The following RAPGEF2 variants were observed in gnomAD, a reference collection of about 807,000 sequenced individuals.
RAPGEF2 encodes the protein Rap guanine nucleotide exchange factor 2.
A neutral mutation model predicts 186.7 loss-of-function variants in RAPGEF2; 54 were observed. The ratio of observed to expected loss-of-function variants is 0.29; its 90% confidence interval spans 0.23 to 0.36. RAPGEF2 has a LOEUF of 0.36. Ranked by LOEUF, RAPGEF2 falls within the 10% of genes least tolerant of loss-of-function variation. The pLI is 1.00. For missense variants in RAPGEF2, 1,532 were observed against 2,045.0 expected (o/e 0.75, Z 4.84); for synonymous variants, 712 against 705.9 (o/e 1.01, Z -0.14).
At chr4:159,284,374 A>G (rs1172685582) in intron 7 of RAPGEF2, among the ~76,000 whole-genome samples, 1 of 152,138 alleles carries the variant, frequency 6.6e-6, no homozygotes, top group Non-Finnish European at 1.5e-5. Context: ...GGAATCCTTC[A>G]GGAATTGTGA....
Position 159,186,681 on chromosome 4 carries a change from G to T in RAPGEF2, c.109G>T (p.Ala37Ser). The change falls in exon 2 of 30, where the codon GCC (alanine) becomes TCC (serine). Residue 37 changes from alanine (A) to serine (S), a missense_variant. Physicochemically the swap from Ala to Ser is moderately conservative, Grantham distance 99 (BLOSUM62 1). This residue lies in a region of RAPGEF2 where 810 missense variants were observed against 1,210.5 expected (regional missense o/e 0.67). Transcript: ENST00000691494. ...IVYSYLHGME[A>S]LSNLREHQLR... Reference sequence around the variant, plus strand: ...ATATTCCTATTTACATGGTATGGAAGCCTTATCAAACTTGAGGGAGCATCA... The same window carrying T: ...ATATTCCTATTTACATGGTATGGAATCCTTATCAAACTTGAGGGAGCATCA... The T allele has an allele frequency of 6.8e-7, 1 of 1,475,772 alleles. No individual in the cohort carries two copies. The highest frequency in any genetic ancestry group is 9.1e-7 in the Non-Finnish European group (1 of 1,100,558). 91.4% of individuals were successfully genotyped at this position (1,475,772 alleles called of 1,614,324 possible).
chr4:159,302,166 G>A (rs780902677), intron 7 of RAPGEF2, among the ~76,000 whole-genome samples: 3 of 152,176 alleles, frequency 2.0e-5, no homozygotes, highest in Non-Finnish European at 2.9e-5. Context: ...CTAAAAGCTG[G>A]ATGAATGTCT....
At chr4:159,190,628 G>A (rs764345366) in intron 2 of RAPGEF2, among the ~76,000 whole-genome samples, 7 of 152,188 alleles carry the variant, frequency 4.6e-5, no homozygotes, top group Non-Finnish European at 8.8e-5. Context: ...CATGGCTGGG[G>A]AGGCCTCAGA....
intron 17 of RAPGEF2, chr4:159,332,935 T>G (rs868613525): frequency 6.5e-6 from 2 of 308,090 alleles, no homozygotes; most frequent in Middle Eastern, 9.1e-4. Flanking sequence ...AACTATTTTT[T>G]GGGGGTTTGG....
chr4:159,298,565 T>C (rs1762291588), intron 7 of RAPGEF2, among the ~76,000 whole-genome samples: 2 of 152,288 alleles, frequency 1.3e-5, no homozygotes, highest in African/African-American at 4.8e-5. Context: ...GAACTAGTAG[T>C]ACCTGAAATG....
chr4:159,141,343 A>C (rs1742307251), intron 1 of RAPGEF2, among the ~76,000 whole-genome samples: 1 of 152,136 alleles, frequency 6.6e-6, no homozygotes, highest in Non-Finnish European at 1.5e-5. Context: ...TATTTCCACG[A>C]GATGATTCAA....
At chr4:159,295,750 T>C (rs1292858443) in intron 7 of RAPGEF2, among the ~76,000 whole-genome samples, 10,146 of 103,474 alleles carry the variant, frequency 0.098, 457 homozygotes, top group Non-Finnish European at 0.14. Context: ...TGTGTGTGTG[T>C]GTGTGCGCGC....
intron 1 of RAPGEF2, among the ~76,000 whole-genome samples, chr4:159,136,979 T>C (rs1741787012): frequency 6.6e-6 from 1 of 152,246 alleles, no homozygotes; most frequent in African/African-American, 2.4e-5. Context: ...CATTGGTTGC[T>C]AGTGCTAAAA....
At chr4:159,150,252 T>C (rs1218690182) in intron 1 of RAPGEF2, among the ~76,000 whole-genome samples, 1 of 152,158 alleles carries the variant, frequency 6.6e-6, no homozygotes, top group Non-Finnish European at 1.5e-5. Context: ...TTCTAGGAAA[T>C]ACGGGGTTAA....
chr4:159,350,097 T>C, intron 25 of RAPGEF2, 40 bp from the exon 26 acceptor site: 1 of 1,378,138 alleles, frequency 7.3e-7, no homozygotes, highest in East Asian at 2.4e-5. Flanking sequence ...ATTTTCAGAC[T>C]TGAAAATACA....
intron 7 of RAPGEF2, among the ~76,000 whole-genome samples, chr4:159,279,017 T>TC (rs1197862410): frequency 1.3e-5 from 2 of 152,182 alleles, no homozygotes; most frequent in African/African-American, 4.8e-5. Flanking sequence ...GCCTTTTCCA[T>TC]CCCCTACGGT....
intron 3 of RAPGEF2, among the ~76,000 whole-genome samples, chr4:159,209,412 G>A (rs1750299823): frequency 1.3e-5 from 2 of 152,238 alleles, no homozygotes; most frequent in South Asian, 4.1e-4. Flanking sequence ...GCGAGGCAGT[G>A]GCAGCCCATG....
intron 1 of RAPGEF2, among the ~76,000 whole-genome samples, chr4:159,133,099 G>A (rs1741288065): frequency 6.6e-6 from 1 of 151,652 alleles, no homozygotes; most frequent in African/African-American, 2.4e-5. Context: ...ATACATATCT[G>A]CCCTTTTATT....
In RAPGEF2 at chr4:159,343,162, CAAA is replaced by C; in HGVS notation, c.3105_3107del (p.Lys1036del). The C allele has an allele frequency of 6.2e-7, 1 of 1,614,090 alleles. No individual in the cohort carries two copies. The highest frequency in any genetic ancestry group is 8.5e-7 in the Non-Finnish European group (1 of 1,179,948). On this transcript the variant is annotated inframe_deletion, in exon 21 of 30. Transcript: ENST00000691494. The stretch of plus-strand genomic sequence containing the variant: ...CCATAATCCCTCTATTCCCAGTTAT[CAAA>C]AAGGATCTCACCTTCCTTCACGAAG...
intron 3 of RAPGEF2, among the ~76,000 whole-genome samples, chr4:159,202,270 G>A (rs989855077): frequency 6.6e-6 from 1 of 152,170 alleles, no homozygotes; most frequent in Non-Finnish European, 1.5e-5. Flanking sequence ...TATTGCACTT[G>A]CTCTGCTAGA....
chr4:159,170,462 T>C (rs1745793962), intron 1 of RAPGEF2, among the ~76,000 whole-genome samples: 1 of 152,126 alleles, frequency 6.6e-6, no homozygotes. Context: ...CAATACAGTA[T>C]AACACCAACT....
At chr4:159,152,848 T>G (rs1231599166) in intron 1 of RAPGEF2, among the ~76,000 whole-genome samples, 1 of 152,210 alleles carries the variant, frequency 6.6e-6, no homozygotes, top group African/African-American at 2.4e-5. Context: ...CTCGATCTCC[T>G]GACCTCATGA....
rs572149654 is a variant in RAPGEF2, at chr4:159,190,749, A to C, written c.141-2451A>C. ...GGGAAGCCCCTTATAAAACCATCAG[A>C]TCATTTAAGAACTCACTAACACCAG... On this transcript the variant is annotated intron_variant, in intron 2 of 29. Transcript: ENST00000691494. Among the ~76,000 whole-genome samples the C allele has an allele frequency of 1.4e-4, 21 of 152,268 alleles. No individual in the cohort carries two copies. In the South Asian group the frequency reaches 2.3e-3, roughly 17 times the overall value.
intron 20 of RAPGEF2, among the ~76,000 whole-genome samples, chr4:159,342,301 A>G (rs893641136): frequency 2.0e-5 from 3 of 152,018 alleles, no homozygotes; most frequent in Admixed American, 1.3e-4. Context: ...CAATACCGCA[A>G]AGAGTTATCA....
Sources: allele counts gnomAD v4.1 joint callset (sites outside exome capture counted in the v4.1 genomes callset), GRCh38; gene constraint gnomAD v4.1.1; regional missense constraint gnomAD v4.1.1; transcripts MANE v1.5; gene names NCBI Gene and HGNC (gene_info 2026-07-23, HGNC 2026-07-21).